SYT16: variants seen among roughly 807,000 people sequenced by gnomAD.
SYT16 encodes synaptotagmin 16.
SYT16 carries 42 observed loss-of-function variants against 61.4 expected under a neutral mutation model. That is an observed-to-expected ratio of 0.68 (90% confidence interval 0.53 to 0.89). The LOEUF is 0.89. Ranked by LOEUF, SYT16 falls within the 40% of genes least tolerant of loss-of-function variation. The probability of loss-of-function intolerance (pLI) is 0.00; values close to 1 mark genes in which losing one functional copy is unlikely to be tolerated. For synonymous variants in SYT16, 314 were observed against 302.3 expected (o/e 1.04, Z -0.40); for missense variants, 804 against 807.3 (o/e 1.00, Z 0.05).
intron 1 of SYT16, among the ~76,000 whole-genome samples, chr14:61,901,540 G>A (rs1021876521): frequency 6.6e-6 from 1 of 151,978 alleles, no homozygotes. Flanking sequence ...TGTCTCCTAT[G>A]CCCTATACAC....
chr14:61,833,281 C>CT lies in SYT16; in HGVS notation c.-325+20479dup, dbSNP rs1174358840. On this transcript the variant is annotated intron_variant, in intron 1 of 7. Coordinates refer to ENST00000683842, the MANE Select transcript of SYT16 (RefSeq NM_001367656.1). ...TCTATTTCTCATGGCTCATGGGTGG[C>CT]TTTTTTTTCTTTTCTTTTTTTTTTT... Among the ~76,000 whole-genome samples the CT allele has an allele frequency of 7.4e-5, 11 of 147,654 alleles. No individual in the cohort carries two copies. The East Asian group carries it at 1.6e-3, about 21-fold the overall frequency.
chr14:61,950,917 A>G (rs1013854045), intron 1 of SYT16, among the ~76,000 whole-genome samples: 1 of 152,212 alleles, frequency 6.6e-6, no homozygotes, highest in Non-Finnish European at 1.5e-5. Flanking sequence ...AATTAACTCT[A>G]GAGAAACTTC....
intron 2 of SYT16, among the ~76,000 whole-genome samples, chr14:61,987,578 T>C (rs368881916): frequency 6.6e-6 from 1 of 152,092 alleles, no homozygotes; most frequent in East Asian, 1.9e-4. Context: ...AAAGAATGGG[T>C]AGGCCTTGGT....
chr14:61,907,799 G>C lies in SYT16; in HGVS notation c.-324-62333G>C, dbSNP rs147531287. On this transcript the variant is annotated intron_variant, in intron 1 of 7. Transcript: ENST00000683842. The stretch of plus-strand genomic sequence containing the variant: ...GACTACAGAAGGGTGTGAGCCCCAG[G>C]GGGGTGCATCCTAAAGGCTGACTGG... 1.2e-3 allele frequency among the ~76,000 whole-genome samples: 178 copies of C among 152,320 alleles called. 1 individual carries two copies. In the East Asian group the frequency reaches 0.025, roughly 21 times the overall value.
chr14:61,994,318 G>A (rs750777454), intron 2 of SYT16, among the ~76,000 whole-genome samples: 2 of 152,112 alleles, frequency 1.3e-5, no homozygotes, highest in African/African-American at 2.4e-5. Context: ...TCAAACTTCC[G>A]TGGGTGTCAG....
At position 62,097,885 on chromosome 14, in the gene SYT16, T is replaced by A. The variant is rs187672259; in HGVS notation, c.1625-2509T>A. Among the ~76,000 whole-genome samples, 15 of 152,352 alleles carry A rather than the reference T, an allele frequency of 9.8e-5. No individual in the cohort carries two copies. The East Asian group carries it at 2.7e-3, about 27-fold the overall frequency. Reference sequence around the variant, plus strand: ...ACAATTGCCCAATCAGTTTGGTGACTGGACTGAACTTTTTCTACAGGAATC... The same window carrying A: ...ACAATTGCCCAATCAGTTTGGTGACAGGACTGAACTTTTTCTACAGGAATC... On this transcript the variant is annotated intron_variant, in intron 7 of 7. Coordinates refer to ENST00000683842, the MANE Select transcript of SYT16 (RefSeq NM_001367656.1).
intron 3 of SYT16, among the ~76,000 whole-genome samples, chr14:62,007,860 A>G (rs947286347): frequency 1.3e-5 from 2 of 152,060 alleles, no homozygotes; most frequent in Admixed American, 1.3e-4. Context: ...CCATTTTAAC[A>G]ATTCTCAAGG....
intron 1 of SYT16, chr14:61,864,851 A>G: frequency 9.1e-7 from 1 of 1,099,396 alleles, no homozygotes. Flanking sequence ...CTATCGCTGC[A>G]TATTCTCCCA....
intron 1 of SYT16, among the ~76,000 whole-genome samples, chr14:61,874,152 A>T (rs2047415263): frequency 6.6e-6 from 1 of 152,252 alleles, no homozygotes; most frequent in African/African-American, 2.4e-5. Flanking sequence ...CTAGTTGCAT[A>T]GAATTTTGCA....
chr14:61,818,019 A>G (rs1334168684), intron 1 of SYT16, among the ~76,000 whole-genome samples: 4 of 152,362 alleles, frequency 2.6e-5, no homozygotes, highest in South Asian at 4.1e-4. Flanking sequence ...GCACTGAGCT[A>G]TTAATCTGTA....
intron 1 of SYT16, among the ~76,000 whole-genome samples, chr14:61,847,837 A>G (rs1178180139): frequency 6.6e-6 from 1 of 152,108 alleles, no homozygotes; most frequent in Non-Finnish European, 1.5e-5. Context: ...TTCTGCTGTT[A>G]AGAGACTCTA....
In SYT16 at chr14:61,849,686, C is replaced by T. The variant is rs561836550; in HGVS notation, c.-325+36876C>T. 9.9e-5 allele frequency among the ~76,000 whole-genome samples: 15 copies of T among 151,886 alleles called. 1 individual carries two copies. The South Asian group carries it at 2.1e-3, about 21-fold the overall frequency. ...ATTCTTTACCTCATGTGGCCACTGTCGGGGTGGGAGAGGGGTGGCATTGGC... is the reference window on the plus strand; with the variant it reads ...ATTCTTTACCTCATGTGGCCACTGTTGGGGTGGGAGAGGGGTGGCATTGGC... On this transcript the variant is annotated intron_variant, in intron 1 of 7. Transcript: ENST00000683842.
chr14:61,995,725 C>T, intron 2 of SYT16, 151 bp from the exon 3 acceptor site: 1 of 296,482 alleles, frequency 3.4e-6, no homozygotes, highest in Non-Finnish European at 6.2e-6. Flanking sequence ...TACATCTAGA[C>T]TTTCACAGTC....
chr14:61,917,700 C>T (rs2049173226), intron 1 of SYT16, among the ~76,000 whole-genome samples: 1 of 151,908 alleles, frequency 6.6e-6, no homozygotes, highest in Admixed American at 6.6e-5. Flanking sequence ...TTGTCACTTG[C>T]AAATGAGAGT....
chr14:61,813,594 G>A (rs12889815), intron 1 of SYT16, among the ~76,000 whole-genome samples: 1 of 152,156 alleles, frequency 6.6e-6, no homozygotes, highest in Non-Finnish European at 1.5e-5. Flanking sequence ...GCGCATGTTA[G>A]GGACTTCATT....
intron 1 of SYT16, among the ~76,000 whole-genome samples, chr14:61,863,421 G>T (rs2047027559): frequency 6.6e-6 from 1 of 152,144 alleles, no homozygotes; most frequent in African/African-American, 2.4e-5. Flanking sequence ...CTTTGGTGAG[G>T]TGTTTGTAAA....
chr14:61,827,569 G>A (rs549967063), intron 1 of SYT16, among the ~76,000 whole-genome samples: 3 of 152,308 alleles, frequency 2.0e-5, no homozygotes, highest in East Asian at 3.9e-4. Flanking sequence ...ATGAGTCATT[G>A]ATAGAATAAT....
At chr14:61,887,583 A>G (rs2140330366) in intron 1 of SYT16, among the ~76,000 whole-genome samples, 1 of 152,358 alleles carries the variant, frequency 6.6e-6, no homozygotes, top group African/African-American at 2.4e-5. Flanking sequence ...GATCTTAGCC[A>G]GATCTTCAGG....
chr14:61,831,087 C>T (rs1342945558), intron 1 of SYT16, among the ~76,000 whole-genome samples: 1 of 152,218 alleles, frequency 6.6e-6, no homozygotes, highest in African/African-American at 2.4e-5. Context: ...TGACATTTGC[C>T]AATGTCTAAG....
Sources: allele counts gnomAD v4.1 joint callset (sites outside exome capture counted in the v4.1 genomes callset), GRCh38; gene constraint gnomAD v4.1.1; transcripts MANE v1.5; gene names NCBI Gene and HGNC (gene_info 2026-07-23, HGNC 2026-07-21).